CDK19: variants seen among roughly 807,000 people sequenced by gnomAD.
The protein encoded by CDK19 is cyclin-dependent kinase 19.
CDK19 carries 20 observed loss-of-function variants against 68.3 expected under a neutral mutation model. The ratio of observed to expected loss-of-function variants is 0.29; its 90% CI spans 0.21 to 0.43. The LOEUF (loss-of-function observed/expected upper bound fraction) is 0.43, where lower values mean the gene tolerates loss of function less well. CDK19 is among the 20% of genes least tolerant of loss of function. The pLI, the probability that CDK19 is intolerant of heterozygous loss-of-function variation, is 1.00. For synonymous variants in CDK19, 221 were observed against 222.8 expected, an observed-to-expected ratio of 0.99 and a Z score of 0.07; for missense variants, 339 against 623.5, an observed-to-expected ratio of 0.54 and a Z score of 4.86.
At chr6:110,646,411 C>T in intron 4 of CDK19, 2 of 1,486,458 alleles carry the variant, frequency 1.3e-6, no homozygotes, top group Admixed American at 4.4e-5. Flanking sequence ...TGGCGGGCGG[C>T]GACATGGCCT....
intron 2 of CDK19, among the ~76,000 whole-genome samples, chr6:110,673,230 C>T (rs1174429817): frequency 6.6e-6 from 1 of 152,044 alleles, no homozygotes; most frequent in Non-Finnish European, 1.5e-5. Context: ...TTTTTTCACA[C>T]AATATAATGT....
rs1431738872 is a variant in CDK19, at chr6:110,632,017, T to C, written c.646+13A>G. On this transcript the variant is annotated intron_variant, in intron 6 of 12. Transcript: ENST00000368911. The stretch of plus-strand genomic sequence containing the variant: ...TAGATGACAAGATAGTAAATCATTT[T>C]AGACCAACTTACCAATGGCCTTTGT... 1.9e-6 allele frequency: 3 copies of C among 1,596,622 alleles called. No homozygotes were observed. The highest frequency in any genetic ancestry group is 1.7e-5 in the Admixed American group (1 of 57,514).
intron 1 of CDK19, among the ~76,000 whole-genome samples, chr6:110,752,673 T>C (rs1436779539): frequency 6.6e-6 from 1 of 152,242 alleles, no homozygotes. Flanking sequence ...CATGAAAATG[T>C]GACAACAGTT....
intron 1 of CDK19, among the ~76,000 whole-genome samples, chr6:110,812,884 A>G (rs559459607): frequency 2.0e-5 from 3 of 151,972 alleles, no homozygotes; most frequent in Non-Finnish European, 4.4e-5. Context: ...GCTGGTATCA[A>G]TGAACATAAA....
At chr6:110,808,460 C>T (rs185010506) in intron 1 of CDK19, among the ~76,000 whole-genome samples, 3 of 152,264 alleles carry the variant, frequency 2.0e-5, no homozygotes, top group Admixed American at 6.5e-5. Context: ...TATTATCTGT[C>T]GATGCTTTGG....
At chr6:110,780,377 A>G (rs1003615912) in intron 1 of CDK19, among the ~76,000 whole-genome samples, 43 of 144,604 alleles carry the variant, frequency 3.0e-4, no homozygotes, top group Non-Finnish European at 5.1e-4. Context: ...TGACAGAGTG[A>G]CACTCTGTCT....
intron 2 of CDK19, among the ~76,000 whole-genome samples, chr6:110,742,690 G>T (rs2114859105): frequency 6.6e-6 from 1 of 152,244 alleles, no homozygotes; most frequent in East Asian, 1.9e-4. Flanking sequence ...TTGAGATAAG[G>T]AATGAAATAC....
At chr6:110,814,971 G>A (rs376088375) in intron 1 of CDK19, 38 bp downstream of exon 1, 2 of 1,597,156 alleles carry the variant, frequency 1.3e-6, no homozygotes, top group Non-Finnish European at 1.7e-6. Flanking sequence ...GCAGGGCGAG[G>A]ACCCGAGCGA....
chr6:110,654,658 T>C (rs956405118), intron 4 of CDK19, among the ~76,000 whole-genome samples: 2 of 152,166 alleles, frequency 1.3e-5, no homozygotes, highest in African/African-American at 2.4e-5. Flanking sequence ...GAAAAGAAGA[T>C]GGCTGCGTGC....
At chr6:110,783,625 G>A (rs1780979700) in intron 1 of CDK19, among the ~76,000 whole-genome samples, 1 of 148,002 alleles carries the variant, frequency 6.8e-6, no homozygotes, top group Non-Finnish European at 1.5e-5. Context: ...GTGACAGAGT[G>A]AGATTCTGTC....
At chr6:110,792,692 T>C (rs952536730) in intron 1 of CDK19, among the ~76,000 whole-genome samples, 1 of 152,222 alleles carries the variant, frequency 6.6e-6, no homozygotes, top group Non-Finnish European at 1.5e-5. Flanking sequence ...TGGCGAATAC[T>C]TTTTTATAAC....
intron 2 of CDK19, among the ~76,000 whole-genome samples, chr6:110,674,575 T>C (rs554567659): frequency 6.6e-6 from 1 of 152,270 alleles, no homozygotes; most frequent in East Asian, 1.9e-4. Flanking sequence ...TTTAGTGATC[T>C]GGATAGAAGA....
At chr6:110,693,248 G>C (rs927460859) in intron 2 of CDK19, among the ~76,000 whole-genome samples, 1 of 152,158 alleles carries the variant, frequency 6.6e-6, no homozygotes, top group African/African-American at 2.4e-5. Context: ...GAAGCAGCTG[G>C]CCACTGCAGT....
At chr6:110,757,494 T>C (rs1294116921) in intron 1 of CDK19, among the ~76,000 whole-genome samples, 1 of 152,236 alleles carries the variant, frequency 6.6e-6, no homozygotes, top group Non-Finnish European at 1.5e-5. Context: ...AAAAGTTTAC[T>C]TGTGGGACAC....
intron 6 of CDK19, among the ~76,000 whole-genome samples, chr6:110,628,596 T>C (rs192599838): frequency 2.5e-4 from 38 of 152,316 alleles, no homozygotes; most frequent in Admixed American, 6.5e-4. Context: ...AAAAACATAG[T>C]ATATACAGGG....
At chr6:110,762,871 A>T (rs1779320120) in intron 1 of CDK19, among the ~76,000 whole-genome samples, 1 of 152,238 alleles carries the variant, frequency 6.6e-6, no homozygotes, top group Non-Finnish European at 1.5e-5. Context: ...TATCATTATC[A>T]TGTGTATCTT....
rs777340611 is a variant in CDK19, at chr6:110,621,128, T to C, written c.1353A>G (p.Gly451=). The C allele has an allele frequency of 6.2e-7, 1 of 1,613,790 alleles. No homozygotes were observed. The highest frequency in any genetic ancestry group is 2.2e-5 in the East Asian group (1 of 44,880). Residue 451 remains glycine (G), a synonymous_variant, in exon 12 of 13, where the codon GGA becomes GGG. Transcript: ENST00000368911. The surrounding 1 kb of genome is among the most constrained non-coding windows in gnomAD (Gnocchi z 5.4). ...CCTGATAATCCGAGGGCATCACAGGTCCACCTGAGTTTGCGCCTGAAGGCC... is the reference window on the plus strand; with the variant it reads ...CCTGATAATCCGAGGGCATCACAGGCCCACCTGAGTTTGCGCCTGAAGGCC... The part of the protein sequence containing the change: ...RLGPSGANSG[G]PVMPSDYQHS...
At chr6:110,651,319 T>C (rs1167732789) in intron 4 of CDK19, among the ~76,000 whole-genome samples, 2 of 152,178 alleles carry the variant, frequency 1.3e-5, no homozygotes, top group African/African-American at 4.8e-5. Context: ...TCCTGCCCAA[T>C]TTCTGATGGC....
intron 5 of CDK19, among the ~76,000 whole-genome samples, chr6:110,637,840 G>C (rs1467753457): frequency 1.3e-5 from 2 of 152,100 alleles, no homozygotes; most frequent in Non-Finnish European, 2.9e-5. Context: ...AAATTAGCCA[G>C]GCGTGGTGGC....
Sources: allele counts gnomAD v4.1 joint callset (sites outside exome capture counted in the v4.1 genomes callset), GRCh38; gene constraint gnomAD v4.1.1; non-coding constraint Gnocchi (gnomAD v3.1); transcripts MANE v1.5; gene names NCBI Gene and HGNC (gene_info 2026-07-23, HGNC 2026-07-21).